The following NECTIN1 variants were observed in gnomAD, a reference collection of about 807,000 sequenced individuals.
The protein encoded by NECTIN1 is nectin cell adhesion molecule 1.
A neutral mutation model predicts 48.0 loss-of-function variants in NECTIN1; 23 were observed. The ratio of observed to expected loss-of-function variants is 0.48; its 90% CI spans 0.34 to 0.68. The LOEUF is 0.68. Among genes scored for constraint, NECTIN1 ranks in the 30% least tolerant of loss-of-function variants. The probability of loss-of-function intolerance (pLI) is 0.01; values close to 1 mark genes in which losing one functional copy is unlikely to be tolerated. For synonymous variants in NECTIN1, 270 were observed against 288.9 expected, an observed-to-expected ratio of 0.93 and a Z score of 0.66; for missense variants, 591 against 709.9, an observed-to-expected ratio of 0.83 and a Z score of 1.90.
chr11:119,651,535 C>A (rs967252343), intron 5 of NECTIN1, among the ~76,000 whole-genome samples: 1 of 152,094 alleles, frequency 6.6e-6, no homozygotes, highest in East Asian at 1.9e-4. Context: ...CTTCTCTGCT[C>A]CCCTCTCGTG....
intron 5 of NECTIN1, chr11:119,640,036 G>A (rs889163843): frequency 1.9e-6 from 3 of 1,592,342 alleles, no homozygotes; most frequent in Non-Finnish European, 2.6e-6. Context: ...ACAGGGAAGA[G>A]GATTAGAGAG....
intron 1 of NECTIN1, among the ~76,000 whole-genome samples, chr11:119,685,346 G>A (rs963007409): frequency 1.3e-5 from 2 of 152,248 alleles, no homozygotes; most frequent in African/African-American, 4.8e-5. Context: ...GGCGCCTTGG[G>A]CGGGTGAGCA....
intron 1 of NECTIN1, among the ~76,000 whole-genome samples, chr11:119,724,408 G>A (rs1423101950): frequency 1.3e-5 from 2 of 152,086 alleles, no homozygotes; most frequent in Non-Finnish European, 2.9e-5. Flanking sequence ...ATCTCCCTGC[G>A]AGCAGGCAGA....
At chr11:119,639,463 T>G in intron 6 of NECTIN1, 1 of 302,056 alleles carries the variant, frequency 3.3e-6, no homozygotes, top group South Asian at 3.6e-5. Context: ...TCCCCCCATA[T>G]ACTTTGTGCC....
At chr11:119,682,154 C>G (rs1865070440) in intron 1 of NECTIN1, among the ~76,000 whole-genome samples, 1 of 152,176 alleles carries the variant, frequency 6.6e-6, no homozygotes, top group Admixed American at 6.5e-5. Flanking sequence ...GAAGGACCCT[C>G]ATTCTTTAGA....
Position 119,728,525 on chromosome 11 carries a change from G to A in NECTIN1, c.29C>T (p.Ala10Val). The change falls in exon 1 of 6, where the codon GCT becomes GTT. Residue 10 changes from alanine to valine, a missense_variant. Transcript: ENST00000264025. ...GAGAGCGAGTCCCCACCAGCGTCCA[G>A]CGGCGCCCGCAAGCCCCATCCGAGC... Reference protein sequence around the residue: MARMGLAGAAGRWWGLALGL... With the variant: MARMGLAGAVGRWWGLALGL... 1 of 1,596,514 alleles carries A rather than the reference G, an allele frequency of 6.3e-7. No individual in the cohort carries two copies. Among genetic ancestry groups the A allele is most frequent in the Non-Finnish European group, 8.5e-7 (1 of 1,172,272 alleles).
At chr11:119,676,098 T>G (rs1864943729) in intron 4 of NECTIN1, among the ~76,000 whole-genome samples, 1 of 152,222 alleles carries the variant, frequency 6.6e-6, no homozygotes, top group Non-Finnish European at 1.5e-5. Context: ...TGGGAATCTG[T>G]ATTTGACAAG....
At chr11:119,648,280 G>GTGGTGATGGTGA (rs1565376424) in intron 5 of NECTIN1, among the ~76,000 whole-genome samples, 9 of 43,762 alleles carry the variant, frequency 2.1e-4, no homozygotes, top group African/African-American at 8.2e-4. Context: ...GGTGGTGATG[G>GTGGTGATGGTGA]TGGTGGTGAT....
chr11:119,645,310 T>TGGAG (rs1864382382), intron 5 of NECTIN1, among the ~76,000 whole-genome samples: 1 of 152,150 alleles, frequency 6.6e-6, no homozygotes. Flanking sequence ...GAGGCAAGTC[T>TGGAG]TCCTGGCCAA....
chr11:119,648,289 ATGGTGGTGGTGG>A lies in NECTIN1; in HGVS notation c.1004-8289_1004-8278del, dbSNP rs1263768008. Among the ~76,000 whole-genome samples the A allele has an allele frequency of 5.9e-3, 64 of 10,758 alleles. 9 individuals carry two copies. The highest frequency in any genetic ancestry group is 5.3e-3 in the Non-Finnish European group (27 of 5,094). The allele number at this position is 10,758 out of a possible 152,430, so 7.1% of individuals were successfully genotyped here. ...AGTGGTGGTGGTGATGGTGGTGGTG[ATGGTGGTGGTGG>A]TGGTGATGGTGGTGATGGTGATGGT... On this transcript the variant is annotated intron_variant, in intron 5 of 7. Transcript: ENST00000341398.
At position 119,678,584 on chromosome 11, in the gene NECTIN1, C is replaced by T. The variant is rs1255978781; in HGVS notation, c.261G>A (p.Val87=). The change falls in exon 2 of 6, where the codon GTG becomes GTA. Residue 87 remains valine (V), a synonymous_variant. Coordinates refer to ENST00000264025, the MANE Select transcript of NECTIN1 (RefSeq NM_002855.5). The surrounding 1 kb of genome is among the most constrained non-coding windows in gnomAD (Gnocchi z 4.4). ...GCTCGCGGTAGGGAGCCAGCACGGACACGCCCATGGATGGGTTGTAGATGG... is the reference window on the plus strand; with the variant it reads ...GCTCGCGGTAGGGAGCCAGCACGGATACGCCCATGGATGGGTTGTAGATGG... ...NVAIYNPSMG[V]SVLAPYRERV... is the part of the protein sequence containing the mutation. 6.2e-7 allele frequency: 1 copy of T among 1,614,214 alleles called. No homozygotes were observed. The highest frequency in any genetic ancestry group is 2.2e-5 in the East Asian group (1 of 44,884).
intron 1 of NECTIN1, among the ~76,000 whole-genome samples, chr11:119,704,787 G>A (rs1865519862): frequency 6.6e-6 from 1 of 152,236 alleles, no homozygotes; most frequent in Admixed American, 6.5e-5. Context: ...GTGAGCAGAT[G>A]CAGAAAAAGG....
Position 119,678,386 on chromosome 11 carries a change from G to T in NECTIN1, c.430+29C>A. ...GCCCCGAGGTCACAGGCCTCTGGAT[G>T]AACAGGGAGGGGGCCCAGGGCAGCT... On this transcript the variant is annotated intron_variant, in intron 2 of 5. Transcript: ENST00000264025. This position sits in a 1 kb window ranked among gnomAD's most constrained non-coding sequence, Gnocchi z 4.4. The T allele has an allele frequency of 1.9e-6, 3 of 1,598,880 alleles. No individual in the cohort carries two copies. Among genetic ancestry groups the T allele is most frequent in the South Asian group, 2.2e-5 (2 of 90,696 alleles).
chr11:119,668,801 G>A (rs935673716), intron 5 of NECTIN1, among the ~76,000 whole-genome samples: 2 of 152,180 alleles, frequency 1.3e-5, no homozygotes, highest in African/African-American at 4.8e-5. Flanking sequence ...GCTGGCTCTG[G>A]TCCTTCTGCC....
At chr11:119,706,267 C>T (rs1420882754) in intron 1 of NECTIN1, among the ~76,000 whole-genome samples, 3 of 152,170 alleles carry the variant, frequency 2.0e-5, no homozygotes, top group African/African-American at 7.2e-5. Flanking sequence ...ACCGACAGCC[C>T]AAGATTAAAG....
intron 5 of NECTIN1, among the ~76,000 whole-genome samples, chr11:119,655,470 TGAG>T (rs1186710856): frequency 4.6e-5 from 7 of 152,204 alleles, no homozygotes; most frequent in Non-Finnish European, 1.0e-4. Flanking sequence ...GGGCTTGCTC[TGAG>T]CTGGCCATTG....
chr11:119,673,124 T>G lies in NECTIN1; in HGVS notation c.1003+2035A>C, dbSNP rs1251505246. 6.6e-6 allele frequency among the ~76,000 whole-genome samples: 1 copy of G among 152,026 alleles called. No homozygotes were observed. The highest frequency in any genetic ancestry group is 6.5e-5 in the Admixed American group (1 of 15,270). On this transcript the variant is annotated intron_variant, in intron 5 of 5. Coordinates refer to ENST00000264025, the MANE Select transcript of NECTIN1 (RefSeq NM_002855.5). The surrounding 1 kb of genome is among the most constrained non-coding windows in gnomAD (Gnocchi z 5.8). ...AAGGGCATGGCTGTGCCCTGCGGGG[T>G]GGGCTCCCCAGAGAATGTGGCAGGC...
chr11:119,728,175 G>A (rs955048634), intron 1 of NECTIN1, among the ~76,000 whole-genome samples: 1 of 152,268 alleles, frequency 6.6e-6, no homozygotes, highest in African/African-American at 2.4e-5. Context: ...CCCGAGCAGA[G>A]AGCTGGTTAT....
intron 5 of NECTIN1, among the ~76,000 whole-genome samples, chr11:119,648,883 G>T (rs1864451033): frequency 6.6e-6 from 1 of 152,182 alleles, no homozygotes; most frequent in South Asian, 2.1e-4. Flanking sequence ...ATCTAGGCTG[G>T]CAGGGCTCCG....
Sources: allele counts gnomAD v4.1 joint callset (sites outside exome capture counted in the v4.1 genomes callset), GRCh38; gene constraint gnomAD v4.1.1; non-coding constraint Gnocchi (gnomAD v3.1); transcripts MANE v1.5; gene names NCBI Gene and HGNC (gene_info 2026-07-23, HGNC 2026-07-21).